MAB21L1: variants seen among roughly 807,000 people sequenced by gnomAD.
MAB21L1 encodes mab-21 like 1.
Under a neutral mutation model 28.9 loss-of-function variants are expected in MAB21L1, and 8 were observed. That is an observed-to-expected ratio of 0.28 (90% CI 0.16 to 0.50). The LOEUF (loss-of-function observed/expected upper bound fraction) is 0.50. Among genes scored for constraint, MAB21L1 ranks in the 20% least tolerant of loss-of-function variants. The probability of loss-of-function intolerance (pLI) is 0.98; values close to 1 mark genes in which losing one functional copy is unlikely to be tolerated. For missense variants in MAB21L1, 388 were observed against 466.5 expected, an observed-to-expected ratio of 0.83 and a Z score of 1.55; for synonymous variants, 219 against 198.2, an observed-to-expected ratio of 1.10 and a Z score of -0.88.
At position 35,475,455 on chromosome 13, in the gene MAB21L1, G is replaced by C; in HGVS notation, c.684C>G (p.Asp228Glu). ...LAGKQSSAES[D>E]AWVLQFAEAE... ...CCTCCGCGAACTGCAGCACCCAGGC[G>C]TCGCTCTCCGCCGAGCTCTGCTTGC... Residue 228 changes from aspartate (D) to glutamate (E), a missense_variant, in exon 1 of 1, where the codon GAC becomes GAG. By Grantham distance (45) the Asp-to-Glu change is conservative. Transcript: ENST00000379919. The C allele has an allele frequency of 6.2e-7, 1 of 1,612,900 alleles. No homozygotes were observed. Among genetic ancestry groups the C allele is most frequent in the Non-Finnish European group, 8.5e-7 (1 of 1,179,910 alleles).
chr13:35,476,344 GCTGCTGCT>G lies in MAB21L1; in HGVS notation c.-214_-207del. ...TGCTGCTGCTGCTGCTGCTGCTGCTGCTGCTGCTGCTTTTCCCTTCCTTTTATCTTTGA... is the reference window on the plus strand; with the variant it reads ...TGCTGCTGCTGCTGCTGCTGCTGCTGGCTTTTCCCTTCCTTTTATCTTTGA... On this transcript the variant is annotated 5_prime_UTR_variant, in exon 1 of 1. Coordinates refer to ENST00000379919, the MANE Select transcript of MAB21L1 (RefSeq NM_005584.5). The G allele has an allele frequency of 1.9e-6, 2 of 1,078,158 alleles. No homozygotes were observed. Among genetic ancestry groups the G allele is most frequent in the South Asian group, 2.8e-5 (2 of 70,784 alleles). 66.8% of individuals were successfully genotyped at this position (1,078,158 alleles called of 1,614,324 possible). A position where few individuals can be genotyped will look rare whatever the true frequency, so the allele number is the denominator to read the frequency against.
At position 35,475,092 on chromosome 13, in the gene MAB21L1, G is replaced by C. The variant is rs775644700; in HGVS notation, c.1047C>G (p.Ile349Met). Residue 349 changes from isoleucine (I) to methionine (M), a missense_variant, in exon 1 of 1, where the codon ATC becomes ATG. This residue lies in a region of MAB21L1 where 218 missense variants were observed against 220.6 expected (regional missense o/e 0.99). Coordinates refer to ENST00000379919, the MANE Select transcript of MAB21L1 (RefSeq NM_005584.5). ...TTTCCAAACTTTTCGGGTTGGTCAG[G>C]ATCTCTCTTGCCAGTCGCCACGTTT... ...AKQTWRLARE[I>M]LTNPKSLEKL 1 of 1,614,048 alleles carries C rather than the reference G, an allele frequency of 6.2e-7. No homozygotes were observed. The highest frequency in any genetic ancestry group is 1.1e-5 in the South Asian group (1 of 91,074).
In MAB21L1 at chr13:35,475,344, C is replaced by G. The variant is rs372888288; in HGVS notation, c.795G>C (p.Pro265=). The change falls in exon 1 of 1, where the codon CCG becomes CCC. Residue 265 remains proline, a synonymous_variant. Coordinates refer to ENST00000379919, the MANE Select transcript of MAB21L1 (RefSeq NM_005584.5). The part of the protein sequence containing the change: ...KTLRDRHLEL[P]GQPLNNYHMK... ...TATGGTAATTGTTCAAGGGCTGGCC[C>G]GGCAGTTCAAGGTGACGATCCCTTA... 6 of 1,613,818 alleles carry G rather than the reference C, an allele frequency of 3.7e-6. No individual in the cohort carries two copies. In the African/African-American group the frequency reaches 8.0e-5, roughly 22 times the overall value.
rs754050062 is a variant in MAB21L1 at position 35,475,937 on chromosome 13, C to A, written c.202G>T (p.Val68Phe). 1 of 1,614,144 alleles carries A rather than the reference C, an allele frequency of 6.2e-7. No homozygotes were observed. Among genetic ancestry groups the A allele is most frequent in the Non-Finnish European group, 8.5e-7 (1 of 1,180,022 alleles). ...EMDNRYEGLE[V>F]ISPTEFEVVL... is the part of the protein sequence containing the mutation. ...ACTTCAAATTCGGTGGGGGAGATGACCTCGAGGCCCTCGTAGCGATTGTCC... is the reference window on the plus strand; with the variant it reads ...ACTTCAAATTCGGTGGGGGAGATGAACTCGAGGCCCTCGTAGCGATTGTCC... The change falls in exon 1 of 1, where the codon GTC becomes TTC. Residue 68 changes from valine to phenylalanine, a missense_variant. Around this residue, in one of 3 missense-constraint regions of MAB21L1, gnomAD observed 89 missense variants for 92.2 expected, o/e 0.97. Coordinates refer to ENST00000379919, the MANE Select transcript of MAB21L1 (RefSeq NM_005584.5).
Position 35,474,281 on chromosome 13 carries a change from A to T in MAB21L1, c.*778T>A, listed in dbSNP as rs1248755418. The T allele has an allele frequency of 1.3e-5, 2 of 152,646 alleles. No individual in the cohort carries two copies. Among genetic ancestry groups the T allele is most frequent in the Admixed American group, 6.5e-5 (1 of 15,284 alleles). 9.5% of individuals were successfully genotyped at this position (152,646 alleles called of 1,614,324 possible). ...TAAAATCTAAATCACAAAAGTAATT[A>T]TCCAGTGTATTTCAAGTGCATTTTT... On this transcript the variant is annotated 3_prime_UTR_variant, in exon 1 of 1. Transcript: ENST00000379919.
At position 35,476,170 on chromosome 13, in the gene MAB21L1, G is replaced by A. The variant is rs751965334; in HGVS notation, c.-32C>T. On this transcript the variant is annotated 5_prime_UTR_variant, in exon 1 of 1. Coordinates refer to ENST00000379919, the MANE Select transcript of MAB21L1 (RefSeq NM_005584.5). ...GCAGAGATCCGGATTGTACACCGGAGTCTCGCAGTAAGCTGTGGGATCCAA... is the reference window on the plus strand; with the variant it reads ...GCAGAGATCCGGATTGTACACCGGAATCTCGCAGTAAGCTGTGGGATCCAA... 4 of 1,612,148 alleles carry A rather than the reference G, an allele frequency of 2.5e-6. No homozygotes were observed. The highest frequency in any genetic ancestry group is 3.4e-6 in the Non-Finnish European group (4 of 1,178,476).
rs558901340 is a variant in MAB21L1 at position 35,475,273 on chromosome 13, G to A, written c.866C>T (p.Ser289Leu). The A allele has an allele frequency of 8.7e-6, 14 of 1,613,902 alleles. No homozygotes were observed. In the East Asian group the frequency reaches 1.1e-4, roughly 13 times the overall value. ...ACCCAGGCAAGACTCGTCCCAGTCC[G>A]ACTCTCGGGGATGCTTTTCACACTC... ...SYECEKHPRE[S>L]DWDESCLGDR... The change falls in exon 1 of 1, where the codon TCG (serine) becomes TTG (leucine). Residue 289 changes from serine to leucine, a missense_variant. Coordinates refer to ENST00000379919, the MANE Select transcript of MAB21L1 (RefSeq NM_005584.5).
Position 35,476,036 on chromosome 13 carries a change from A to G in MAB21L1, c.103T>C (p.Cys35Arg), listed in dbSNP as rs1566190521. The G allele has an allele frequency of 1.2e-6, 2 of 1,614,202 alleles. No homozygotes were observed. Among genetic ancestry groups the G allele is most frequent in the Admixed American group, 1.7e-5 (1 of 60,028 alleles). ...AAIAKTIREV[C>R]KVVSDVLKEV... is the part of the protein sequence containing the mutation. ...TTCAGTACGTCGGAAACTACTTTGC[A>G]GACTTCCCGGATAGTTTTGGCAATG... The change falls in exon 1 of 1, where the codon TGC becomes CGC. Residue 35 changes from cysteine (C) to arginine (R), a missense_variant. Transcript: ENST00000379919.
At position 35,475,949 on chromosome 13, in the gene MAB21L1, C is replaced by G. The variant is rs779375523; in HGVS notation, c.190G>C (p.Glu64Gln). 8.7e-6 allele frequency: 14 copies of G among 1,614,028 alleles called. No homozygotes were observed. The Admixed American group carries it at 2.0e-4, about 23-fold the overall frequency. ...SSLNEMDNRY[E>Q]GLEVISPTEF... ...GTGGGGGAGATGACCTCGAGGCCCTCGTAGCGATTGTCCATCTCGTTGAGA... is the reference window on the plus strand; with the variant it reads ...GTGGGGGAGATGACCTCGAGGCCCTGGTAGCGATTGTCCATCTCGTTGAGA... The change falls in exon 1 of 1, where the codon GAG (glutamate) becomes CAG (glutamine). Residue 64 changes from glutamate to glutamine, a missense_variant. This residue lies in a region of MAB21L1 where 89 missense variants were observed against 92.2 expected (regional missense o/e 0.97). Coordinates refer to ENST00000379919, the MANE Select transcript of MAB21L1 (RefSeq NM_005584.5).
Position 35,475,117 on chromosome 13 carries a change from T to C in MAB21L1, c.1022A>G (p.Gln341Arg). 1 of 1,614,122 alleles carries C rather than the reference T, an allele frequency of 6.2e-7. No homozygotes were observed. The highest frequency in any genetic ancestry group is 2.2e-5 in the East Asian group (1 of 44,864). ...PHSALENAAKQTWRLAREILT... is the reference protein window; with the variant it reads ...PHSALENAAKRTWRLAREILT... ...GATCTCTCTTGCCAGTCGCCACGTT[T>C]GTTTGGCAGCGTTTTCCAGAGCTGA... Residue 341 changes from glutamine to arginine, a missense_variant, in exon 1 of 1, where the codon CAA becomes CGA. Around this residue, in one of 3 missense-constraint regions of MAB21L1, gnomAD observed 218 missense variants for 220.6 expected, o/e 0.99. Coordinates refer to ENST00000379919, the MANE Select transcript of MAB21L1 (RefSeq NM_005584.5).
chr13:35,475,389 G>A lies in MAB21L1; in HGVS notation c.750C>T (p.Cys250=), dbSNP rs2075818271. 1.9e-6 allele frequency: 3 copies of A among 1,613,758 alleles called. No individual in the cohort carries two copies. Among genetic ancestry groups the A allele is most frequent in the South Asian group, 2.2e-5 (2 of 91,038 alleles). ...RLQMGGCRKK[C]LSILKTLRDR... ...CCCTTAAGGTTTTGAGGATGGAGAG[G>A]CACTTCTTTCTGCAGCCCCCCATCT... The change falls in exon 1 of 1, where the codon TGC becomes TGT. Residue 250 remains cysteine (C), a synonymous_variant. Coordinates refer to ENST00000379919, the MANE Select transcript of MAB21L1 (RefSeq NM_005584.5).
rs559548680 is a variant in MAB21L1 at position 35,474,924 on chromosome 13, T to C, written c.*135A>G. ...GGGGGTGGGTGAGATGATGTTTAAA[T>C]ATTGTATTATTATTCCTTTTTAAAG... On this transcript the variant is annotated 3_prime_UTR_variant, in exon 1 of 1. Transcript: ENST00000379919. 10 of 1,104,908 alleles carry C rather than the reference T, an allele frequency of 9.1e-6. No individual in the cohort carries two copies. In the East Asian group the frequency reaches 1.9e-4, roughly 21 times the overall value. The allele number at this position is 1,104,908 out of a possible 1,614,324, so 68.4% of individuals were successfully genotyped here.
rs756521374 is a variant in MAB21L1 at position 35,475,128 on chromosome 13, G to A, written c.1011C>T (p.Asn337=). Residue 337 remains asparagine, a synonymous_variant, in exon 1 of 1, where the codon AAC becomes AAT. Coordinates refer to ENST00000379919, the MANE Select transcript of MAB21L1 (RefSeq NM_005584.5). The part of the protein sequence containing the change: ...FQGKPHSALE[N]AAKQTWRLAR... ...CCAGTCGCCACGTTTGTTTGGCAGC[G>A]TTTTCCAGAGCTGAGTGAGGTTTGC... 1 of 1,614,064 alleles carries A rather than the reference G, an allele frequency of 6.2e-7. No homozygotes were observed. The highest frequency in any genetic ancestry group is 1.6e-4 in the Middle Eastern group (1 of 6,062).
rs2075769910 is a variant in MAB21L1, at chr13:35,474,242, A to C, written c.*817T>G. On this transcript the variant is annotated 3_prime_UTR_variant, in exon 1 of 1. Transcript: ENST00000379919. ...ATTTATTACCATCTAATTAAATAAA[A>C]ACCAGCAACAAATTAAAATCTAAAT... 6.6e-6 allele frequency: 1 copy of C among 152,628 alleles called. No homozygotes were observed. Among genetic ancestry groups the C allele is most frequent in the African/African-American group, 2.4e-5 (1 of 41,452 alleles). 9.5% of individuals were successfully genotyped at this position (152,628 alleles called of 1,614,324 possible).
Position 35,475,832 on chromosome 13 carries a change from T to A in MAB21L1, c.307A>T (p.Ser103Cys). 6.2e-7 allele frequency: 1 copy of A among 1,613,882 alleles called. No individual in the cohort carries two copies. The highest frequency in any genetic ancestry group is 8.5e-7 in the Non-Finnish European group (1 of 1,180,006). The change falls in exon 1 of 1, where the codon AGC becomes TGC. Residue 103 changes from serine (S) to cysteine (C), a missense_variant. Transcript: ENST00000379919. Reference protein sequence around the residue: ...SLPGCAVLKLSDGRKRSMSLW... With the variant: ...SLPGCAVLKLCDGRKRSMSLW... ...GACATGCTCCTCTTGCGCCCGTCGCTCAACTTCAGCACCGCGCAGCCGGGC... is the reference window on the plus strand; with the variant it reads ...GACATGCTCCTCTTGCGCCCGTCGCACAACTTCAGCACCGCGCAGCCGGGC...
rs2041944551 is a variant in MAB21L1 at position 35,476,301 on chromosome 13, T to C, written c.-163A>G. 7.1e-6 allele frequency: 3 copies of C among 420,690 alleles called. No homozygotes were observed. Among genetic ancestry groups the C allele is most frequent in the Non-Finnish European group, 9.3e-6 (3 of 322,648 alleles). The allele number at this position is 420,690 out of a possible 1,614,324, so 26.1% of individuals were successfully genotyped here. On this transcript the variant is annotated 5_prime_UTR_variant, in exon 1 of 1. Coordinates refer to ENST00000379919, the MANE Select transcript of MAB21L1 (RefSeq NM_005584.5). ...AGTGCTGCAGCGTTGGTTTCCCTGCTGCTGCTGCTGCTGCTGCTGCTGCTG... is the reference window on the plus strand; with the variant it reads ...AGTGCTGCAGCGTTGGTTTCCCTGCCGCTGCTGCTGCTGCTGCTGCTGCTG...
rs1209728653 is a variant in MAB21L1 at position 35,475,524 on chromosome 13, C to G, written c.615G>C (p.Ala205=). 2.5e-6 allele frequency: 4 copies of G among 1,612,718 alleles called. 1 individual carries two copies. The South Asian group carries it at 3.3e-5, about 13-fold the overall frequency. Residue 205 remains alanine, a synonymous_variant, in exon 1 of 1, where the codon GCG becomes GCC. Transcript: ENST00000379919. ...PGPNRVAEVK[A]EGFNLLSKEC... is the part of the protein sequence containing the mutation. The stretch of plus-strand genomic sequence containing the variant: ...CCTTGGACAAGAGATTGAAACCTTC[C>G]GCCTTGACCTCCGCCACCCGGTTGG...
rs146905585 is a variant in MAB21L1, at chr13:35,475,955, G to T, written c.184C>A (p.Arg62Ser). ...FISSLNEMDN[R>S]YEGLEVISPT... ...GAGATGACCTCGAGGCCCTCGTAGC[G>T]ATTGTCCATCTCGTTGAGAGAGCTG... The change falls in exon 1 of 1, where the codon CGC becomes AGC. Residue 62 changes from arginine to serine, a missense_variant. Around this residue, in one of 3 missense-constraint regions of MAB21L1, gnomAD observed 89 missense variants for 92.2 expected, o/e 0.97. Coordinates refer to ENST00000379919, the MANE Select transcript of MAB21L1 (RefSeq NM_005584.5). 16 of 1,614,070 alleles carry T rather than the reference G, an allele frequency of 9.9e-6. No homozygotes were observed. Among genetic ancestry groups the T allele is most frequent in the Middle Eastern group, 1.6e-4 (1 of 6,084 alleles).
Position 35,476,492 on chromosome 13 carries a change from AAAAAC to A in MAB21L1, c.-359_-355del, listed in dbSNP as rs2075880050. The A allele has an allele frequency of 1.4e-6, 1 of 721,710 alleles. No homozygotes were observed. The highest frequency in any genetic ancestry group is 2.3e-6 in the Non-Finnish European group (1 of 425,646). The allele number at this position is 721,710 out of a possible 1,614,324, so 44.7% of individuals were successfully genotyped here. On this transcript the variant is annotated 5_prime_UTR_variant, in exon 1 of 1. Coordinates refer to ENST00000379919, the MANE Select transcript of MAB21L1 (RefSeq NM_005584.5). ...TGGAGAGATCACCTTCTCAGGAATA[AAAAAC>A]AAAAGTTGCGCTGAGACCCAGCAAA...
Sources: gnomAD v4.1 joint callset for allele counts on GRCh38, gnomAD v4.1.1 for gene constraint, gnomAD v4.1.1 regional missense constraint, MANE v1.5 for transcripts, NCBI Gene and HGNC (gene_info 2026-07-23, HGNC 2026-07-21) for gene names.